ZNF536: variants seen among roughly 807,000 people sequenced by gnomAD.
ZNF536 encodes the protein zinc finger protein 536.
ZNF536 carries 13 observed loss-of-function variants against 84.5 expected under a neutral mutation model. The observed-to-expected ratio is 0.15, with a 90% confidence interval of 0.10 to 0.24. The LOEUF (loss-of-function observed/expected upper bound fraction) is 0.24, where lower values mean the gene tolerates loss of function less well. ZNF536 is among the 10% of genes least tolerant of loss of function. The probability of loss-of-function intolerance (pLI) is 1.00; values close to 1 mark genes in which losing one functional copy is unlikely to be tolerated. For missense variants in ZNF536, 1,536 were observed against 1,747.5 expected (o/e 0.88, Z 2.16); for synonymous variants, 811 against 742.5 (o/e 1.09, Z -1.50).
intron 1 of ZNF536, among the ~76,000 whole-genome samples, chr19:30,630,597 C>A (rs1398890238): frequency 6.6e-6 from 1 of 152,216 alleles, no homozygotes; most frequent in Non-Finnish European, 1.5e-5. Context: ...GCAGCTTCTG[C>A]TGAGAGAGGA....
At chr19:30,281,737 G>A (rs1264422787) in intron 1 of ZNF536, among the ~76,000 whole-genome samples, 1 of 152,196 alleles carries the variant, frequency 6.6e-6, no homozygotes, top group Non-Finnish European at 1.5e-5. Context: ...ACGCACCTGT[G>A]GAGGTTCCCT....
Position 30,478,003 on chromosome 19 carries a change from C to T in ZNF536, c.2170+32271C>T, listed in dbSNP as rs144863320. ...CCTTGCAGCTTCTGATGATTGAGGA[C>T]GGGGTGGGATCCTCCATTGCCCAAC... On this transcript the variant is annotated intron_variant, in intron 2 of 4. Transcript: ENST00000355537. Among the ~76,000 whole-genome samples the T allele has an allele frequency of 4.3e-4, 66 of 152,086 alleles. No individual in the cohort carries two copies. In the East Asian group the frequency reaches 7.9e-3, roughly 18 times the overall value.
chr19:30,410,002 A>G (rs1009177058), intron 1 of ZNF536, among the ~76,000 whole-genome samples: 1 of 152,044 alleles, frequency 6.6e-6, no homozygotes, highest in Non-Finnish European at 1.5e-5. Flanking sequence ...TTCATACATC[A>G]GAGATATTAA....
rs755613678 is a variant in ZNF536 at position 30,445,009 on chromosome 19, G to C, written c.1447G>C (p.Gly483Arg). 6 of 1,611,538 alleles carry C rather than the reference G, an allele frequency of 3.7e-6. No homozygotes were observed. The highest frequency in any genetic ancestry group is 2.2e-5 in the East Asian group (1 of 44,814). Residue 483 changes from glycine to arginine, a missense_variant, in exon 2 of 5, where the codon GGG (glycine) becomes CGG (arginine). By Grantham distance (125) the Gly-to-Arg change is moderately radical. This residue lies in a region of ZNF536 where 366 missense variants were observed against 364.4 expected (regional missense o/e 1.00). Coordinates refer to ENST00000355537, the MANE Select transcript of ZNF536 (RefSeq NM_014717.3). The surrounding 1 kb of genome is among the most constrained non-coding windows in gnomAD (Gnocchi z 4.5). The part of the protein sequence containing the change: ...ISSMAHGVPE[G>R]DKHSLLGCLN... ...CAGCATGGCCCACGGCGTCCCGGAG[G>C]GGGACAAGCACTCCCTCCTGGGATG...
rs560586296 is a variant in ZNF536, at chr19:30,441,145, G to A, written c.-2-2416G>A. 7.9e-5 allele frequency among the ~76,000 whole-genome samples: 12 copies of A among 152,220 alleles called. No homozygotes were observed. In the South Asian group the frequency reaches 1.2e-3, roughly 16 times the overall value. Reference sequence around the variant, plus strand: ...CTTCTTTCCCTCCTGCTGAATTGGCGTCAGCTCATCAGCAGCAACCTGAAA... The same window carrying A: ...CTTCTTTCCCTCCTGCTGAATTGGCATCAGCTCATCAGCAGCAACCTGAAA... On this transcript the variant is annotated intron_variant, in intron 1 of 4. Coordinates refer to ENST00000355537, the MANE Select transcript of ZNF536 (RefSeq NM_014717.3).
At chr19:30,456,551 G>T (rs1464589647) in intron 2 of ZNF536, among the ~76,000 whole-genome samples, 1 of 151,994 alleles carries the variant, frequency 6.6e-6, no homozygotes. Context: ...AAATCCCCTC[G>T]TAAGATTGTA....
At chr19:30,284,643 G>A (rs2145691925) in intron 2 of ZNF536, among the ~76,000 whole-genome samples, 1 of 152,306 alleles carries the variant, frequency 6.6e-6, no homozygotes, top group Admixed American at 6.5e-5. Context: ...TTCCGGCATG[G>A]GAGCTGATAC....
intron 1 of ZNF536, among the ~76,000 whole-genome samples, chr19:30,253,832 T>C (rs1270639357): frequency 6.6e-6 from 1 of 152,126 alleles, no homozygotes; most frequent in African/African-American, 2.4e-5. Context: ...AGCCCTTCCT[T>C]AGTCATAGGA....
At chr19:30,661,161 A>T (rs904155724) in intron 1 of ZNF536, among the ~76,000 whole-genome samples, 4 of 152,242 alleles carry the variant, frequency 2.6e-5, no homozygotes, top group Admixed American at 2.0e-4. Flanking sequence ...GTTGAAAAAA[A>T]ATCATTTCAA....
At chr19:30,575,494 G>A (rs1347346580) in intron 1 of ZNF536, among the ~76,000 whole-genome samples, 5 of 152,190 alleles carry the variant, frequency 3.3e-5, no homozygotes, top group Non-Finnish European at 5.9e-5. Context: ...AGGGAGTAGC[G>A]ACATCTGTCT....
At chr19:30,507,687 A>G (rs550635100) in intron 2 of ZNF536, among the ~76,000 whole-genome samples, 1 of 152,320 alleles carries the variant, frequency 6.6e-6, no homozygotes, top group East Asian at 1.9e-4. Flanking sequence ...AGATTACTAG[A>G]AGATAAGGCA....
Position 30,271,294 on chromosome 19 carries a change from CTTTTCTTTT to C in ZNF536, c.-189-12773_-189-12765del, listed in dbSNP as rs1234957599. Among the ~76,000 whole-genome samples, 430 of 103,186 alleles carry C rather than the reference CTTTTCTTTT, an allele frequency of 4.2e-3. 4 individuals carry two copies. Among genetic ancestry groups the C allele is most frequent in the African/African-American group, 0.015 (416 of 28,312 alleles). 67.7% of individuals were successfully genotyped at this position (103,186 alleles called of 152,430 possible). The stretch of plus-strand genomic sequence containing the variant: ...CTGGAAGCTTTCCCTGTGTTTTTTT[CTTTTCTTTT>C]TTTTTTTTTTTTTTTTGCTAAAGCA... On this transcript the variant is annotated intron_variant, in intron 1 of 5. Transcript: ENST00000585628.
chr19:30,289,215 C>T (rs1377526357), intron 2 of ZNF536, among the ~76,000 whole-genome samples: 2 of 152,154 alleles, frequency 1.3e-5, no homozygotes, highest in African/African-American at 4.8e-5. Context: ...CTCCTCCACC[C>T]CCTCACAAAT....
intron 2 of ZNF536, among the ~76,000 whole-genome samples, chr19:30,519,176 GTTCTGT>G (rs2044216862): frequency 6.6e-6 from 1 of 152,210 alleles, no homozygotes; most frequent in African/African-American, 2.4e-5. Context: ...GCGTCCCAAG[GTTCTGT>G]TGGCCCAAAT....
chr19:30,371,314 T>G (rs552097278), upstream of ZNF536, among the ~76,000 whole-genome samples: 1 of 152,258 alleles, frequency 6.6e-6, no homozygotes, highest in African/African-American at 2.4e-5. Flanking sequence ...CTTCATGAAA[T>G]AATGGAACAA....
At chr19:30,532,122 C>CT (rs370513505) in intron 2 of ZNF536, among the ~76,000 whole-genome samples, 114 of 147,920 alleles carry the variant, frequency 7.7e-4, no homozygotes, top group African/African-American at 1.8e-3. Flanking sequence ...AATTACCCTT[C>CT]TTTTTTTTTT....
chr19:30,435,660 A>G (rs752710695), intron 1 of ZNF536, among the ~76,000 whole-genome samples: 3 of 152,120 alleles, frequency 2.0e-5, no homozygotes, highest in Non-Finnish European at 4.4e-5. Flanking sequence ...AGGACAGTCC[A>G]TAGTCTTAAC....
intron 1 of ZNF536, among the ~76,000 whole-genome samples, chr19:30,253,744 C>G (rs900516938): frequency 1.3e-5 from 2 of 151,988 alleles, no homozygotes; most frequent in African/African-American, 4.8e-5. Context: ...GCCGACAGCT[C>G]CAGCCGGGCT....
At chr19:30,634,473 C>T (rs2048995181) in intron 1 of ZNF536, among the ~76,000 whole-genome samples, 1 of 152,030 alleles carries the variant, frequency 6.6e-6, no homozygotes, top group Admixed American at 6.5e-5. Context: ...GCCATGCCTC[C>T]AGTCTCTGAA....
Sources: gnomAD v4.1 joint callset for allele counts (sites outside exome capture counted in the v4.1 genomes callset) on GRCh38, gnomAD v4.1.1 for gene constraint, gnomAD v4.1.1 regional missense constraint, Gnocchi (gnomAD v3.1) non-coding constraint, MANE v1.5 for transcripts, NCBI Gene and HGNC (gene_info 2026-07-23, HGNC 2026-07-21) for gene names.